The following PTPRN2 variants were observed in gnomAD, a reference collection of about 807,000 sequenced individuals.
PTPRN2 encodes the protein protein tyrosine phosphatase receptor type N2.
Under a neutral mutation model 118.8 loss-of-function variants are expected in PTPRN2, and 74 were observed. The ratio of observed to expected loss-of-function variants is 0.62; its 90% CI spans 0.52 to 0.76. The LOEUF is 0.76. PTPRN2 is among the 30% of genes least tolerant of loss of function. The pLI, the probability that PTPRN2 is intolerant of heterozygous loss-of-function variation, is 0.00. For missense variants in PTPRN2, 1,481 were observed against 1,394.4 expected (o/e 1.06, Z -0.99); for synonymous variants, 641 against 608.0 (o/e 1.05, Z -0.80).
At chr7:157,966,882 CCAT>C (rs1433995543) in intron 11 of PTPRN2, among the ~76,000 whole-genome samples, 2 of 152,064 alleles carry the variant, frequency 1.3e-5, no homozygotes, top group Non-Finnish European at 1.5e-5. Context: ...ACTGTCATCA[CCAT>C]CATCATCACC....
At chr7:158,431,693 CACTGGCTCACACTGGGCACAT>C (rs1445571399) in intron 2 of PTPRN2, among the ~76,000 whole-genome samples, 5 of 148,516 alleles carry the variant, frequency 3.4e-5, no homozygotes, top group Admixed American at 6.7e-5. Flanking sequence ...ACTGGCCACA[CACTGGCTCACACTGGGCACAT>C]ACTGGCTCAC....
At chr7:157,576,550 G>A in intron 19 of PTPRN2, 63 bp downstream of exon 19, 1 of 1,442,554 alleles carries the variant, frequency 6.9e-7, no homozygotes, top group Non-Finnish European at 9.3e-7. Flanking sequence ...GAGCACCGAA[G>A]CCTCGCTCCC....
intron 9 of PTPRN2, among the ~76,000 whole-genome samples, chr7:158,129,347 ACACACAC>A (rs1425263201): frequency 1.3e-5 from 2 of 150,490 alleles, no homozygotes; most frequent in East Asian, 2.0e-4. Flanking sequence ...ACTACACATA[ACACACAC>A]CACACAGCAC....
At chr7:157,937,052 G>A (rs935528388) in intron 11 of PTPRN2, among the ~76,000 whole-genome samples, 3 of 152,212 alleles carry the variant, frequency 2.0e-5, no homozygotes, top group African/African-American at 4.8e-5. Context: ...CTTCACTGGG[G>A]CAATTTCTCT....
intron 11 of PTPRN2, among the ~76,000 whole-genome samples, chr7:158,038,266 T>C (rs1051594296): frequency 2.0e-5 from 3 of 152,132 alleles, no homozygotes; most frequent in African/African-American, 4.8e-5. Context: ...GGGGACTGGA[T>C]AGACAACCAA....
intron 11 of PTPRN2, among the ~76,000 whole-genome samples, chr7:158,056,320 G>A (rs559653413): frequency 9.2e-5 from 14 of 152,350 alleles, no homozygotes; most frequent in East Asian, 3.9e-4. Context: ...CACAGAGGCC[G>A]GGAGCAGGGG....
chr7:158,228,365 A>G (rs1383118419), intron 3 of PTPRN2, among the ~76,000 whole-genome samples: 1 of 152,212 alleles, frequency 6.6e-6, no homozygotes, highest in African/African-American at 2.4e-5. Flanking sequence ...AAGATCCCAA[A>G]GAAGAATTTT....
At chr7:158,513,627 G>GAA (rs1285559408) in intron 1 of PTPRN2, among the ~76,000 whole-genome samples, 2 of 151,784 alleles carry the variant, frequency 1.3e-5, no homozygotes, top group Non-Finnish European at 2.9e-5. Flanking sequence ...ATTATAGACA[G>GAA]AGAGAGAAAT....
chr7:157,605,204 C>G (rs12540269), intron 15 of PTPRN2, among the ~76,000 whole-genome samples: 33,124 of 152,246 alleles, frequency 0.22, 4,257 homozygotes, highest in East Asian at 0.44. Flanking sequence ...TCTGGCCACA[C>G]CAGTCAGGCA....
At position 158,107,970 on chromosome 7, in the gene PTPRN2, C is replaced by G. The variant is rs76856835; in HGVS notation, c.1643+2859G>C. Among the ~76,000 whole-genome samples, 37 of 151,976 alleles carry G rather than the reference C, an allele frequency of 2.4e-4. No individual in the cohort carries two copies. The East Asian group carries it at 5.0e-3, about 21-fold the overall frequency. On this transcript the variant is annotated intron_variant, in intron 10 of 22. Coordinates refer to ENST00000389418, the MANE Select transcript of PTPRN2 (RefSeq NM_002847.5). The stretch of plus-strand genomic sequence containing the variant: ...CCACTGCAACTTGATGCACCTGCCC[C>G]CTCCCTCACCTGGATCTCTGCACCT...
rs1204151717 is a variant in PTPRN2 at position 158,407,178 on chromosome 7, GC to G, written c.163+82556del. Among the ~76,000 whole-genome samples, 18 of 90,628 alleles carry G rather than the reference GC, an allele frequency of 2.0e-4. 1 individual carries two copies. Among genetic ancestry groups the G allele is most frequent in the Non-Finnish European group, 2.8e-4 (12 of 42,194 alleles). The allele number at this position is 90,628 out of a possible 152,430, so 59.5% of individuals were successfully genotyped here. On this transcript the variant is annotated intron_variant, in intron 2 of 22. Coordinates refer to ENST00000389418, the MANE Select transcript of PTPRN2 (RefSeq NM_002847.5). ...TCCTGGGTCCTGGGTCCTGCGTCCT[GC>G]GTCCTGGGTCCTGGGTCCTGGGTCC...
At chr7:157,793,819 G>A (rs900624563) in intron 12 of PTPRN2, among the ~76,000 whole-genome samples, 1 of 152,172 alleles carries the variant, frequency 6.6e-6, no homozygotes, top group South Asian at 2.1e-4. Flanking sequence ...CCATGGCTTA[G>A]AAGCAGTAAT....
At chr7:157,920,096 G>A (rs575517362) in intron 11 of PTPRN2, among the ~76,000 whole-genome samples, 13 of 152,246 alleles carry the variant, frequency 8.5e-5, no homozygotes, top group East Asian at 3.9e-4. Context: ...GCACAACGAC[G>A]AAATTGCCAG....
intron 12 of PTPRN2, among the ~76,000 whole-genome samples, chr7:157,820,342 T>C (rs56260222): frequency 0.057 from 8,035 of 140,268 alleles, 429 homozygotes; most frequent in East Asian, 0.24. Flanking sequence ...CAGTCACATA[T>C]GCACTCAAAC....
chr7:157,797,064 A>G (rs1270639715), intron 12 of PTPRN2, among the ~76,000 whole-genome samples: 2 of 152,236 alleles, frequency 1.3e-5, no homozygotes, highest in African/African-American at 4.8e-5. Context: ...ATGAACGGGC[A>G]CTGGGGCCAC....
chr7:158,004,400 TA>T (rs143255696), intron 11 of PTPRN2, among the ~76,000 whole-genome samples: 1,896 of 152,224 alleles, frequency 0.012, 38 homozygotes, highest in African/African-American at 0.043. Context: ...TTTTTATATT[TA>T]AAAAACCAGC....
At position 158,316,807 on chromosome 7, in the gene PTPRN2, C is replaced by G. The variant is rs374826213; in HGVS notation, c.277+12G>C. The G allele has an allele frequency of 6.3e-7, 1 of 1,584,244 alleles. No homozygotes were observed. Among genetic ancestry groups the G allele is most frequent in the South Asian group, 1.1e-5 (1 of 88,418 alleles). On this transcript the variant is annotated intron_variant, in intron 3 of 22. Coordinates refer to ENST00000389418, the MANE Select transcript of PTPRN2 (RefSeq NM_002847.5). Reference sequence around the variant, plus strand: ...GCGGCAGCCGCCGAGCCTCGGCCCACGCCCGCCCTACCTGTGCCGGAAAGC... The same window carrying G: ...GCGGCAGCCGCCGAGCCTCGGCCCAGGCCCGCCCTACCTGTGCCGGAAAGC...
chr7:157,919,199 T>C (rs1219136993), intron 11 of PTPRN2, among the ~76,000 whole-genome samples: 1 of 152,200 alleles, frequency 6.6e-6, no homozygotes, highest in Non-Finnish European at 1.5e-5. Flanking sequence ...AAAAAGGACT[T>C]CATGTTTTTT....
At chr7:157,657,441 C>CA (rs1795593931) in intron 13 of PTPRN2, among the ~76,000 whole-genome samples, 2 of 82,816 alleles carry the variant, frequency 2.4e-5, no homozygotes, top group African/African-American at 4.6e-5. Context: ...CACACACACA[C>CA]CACACACATC....
Sources: gnomAD v4.1 joint callset for allele counts (sites outside exome capture counted in the v4.1 genomes callset) on GRCh38, gnomAD v4.1.1 for gene constraint, MANE v1.5 for transcripts, NCBI Gene and HGNC (gene_info 2026-07-23, HGNC 2026-07-21) for gene names.